NEK1: variants seen among roughly 807,000 people sequenced by gnomAD.
The protein encoded by NEK1 is NIMA related kinase 1.
A neutral mutation model predicts 182.1 loss-of-function variants in NEK1; 137 were observed. That is an observed-to-expected ratio of 0.75 (90% CI 0.65 to 0.87). The LOEUF (loss-of-function observed/expected upper bound fraction) is 0.87. NEK1 is among the 40% of genes least tolerant of loss of function. The probability of loss-of-function intolerance (pLI) is 0.00; values close to 1 mark genes in which losing one functional copy is unlikely to be tolerated. For synonymous variants in NEK1, 513 were observed against 492.2 expected (o/e 1.04, Z -0.56); for missense variants, 1,391 against 1,494.4 (o/e 0.93, Z 1.14).
In NEK1 at chr4:169,612,390, TCA is replaced by T. The variant is rs1772463238; in HGVS notation, c.-343_-342del. ...TGCCTCCGTTACCGCCTCTCCAACT[TCA>T]CAGAGGTCGTTGCTAGTGGCCACGG... On this transcript the variant is annotated 5_prime_UTR_variant, in exon 1 of 36. Coordinates refer to ENST00000507142, the MANE Select transcript of NEK1 (RefSeq NM_001199397.3). The T allele has an allele frequency of 6.6e-6, 1 of 151,898 alleles. No homozygotes were observed. The highest frequency in any genetic ancestry group is 1.5e-5 in the Non-Finnish European group (1 of 68,030). 9.4% of individuals were successfully genotyped at this position (151,898 alleles called of 1,614,324 possible). A position where few individuals can be genotyped will look rare whatever the true frequency, so the allele number is the denominator to read the frequency against.
intron 31 of NEK1, among the ~76,000 whole-genome samples, chr4:169,409,143 C>T (rs555201880): frequency 7.9e-5 from 12 of 151,964 alleles, no homozygotes; most frequent in Admixed American, 7.2e-4. Context: ...TATTGTTTTA[C>T]TTATTGTTTT....
At chr4:169,434,179 C>A (rs1270057073) in intron 28 of NEK1, among the ~76,000 whole-genome samples, 2 of 143,160 alleles carry the variant, frequency 1.4e-5, no homozygotes, top group Non-Finnish European at 3.1e-5. Flanking sequence ...CACTAAAAAT[C>A]TATTTTCTTA....
At chr4:169,556,915 A>C (rs978740605) in intron 16 of NEK1, among the ~76,000 whole-genome samples, 1 of 152,206 alleles carries the variant, frequency 6.6e-6, no homozygotes, top group African/African-American at 2.4e-5. Context: ...AAGAGGAAGG[A>C]AGTATGATGA....
intron 19 of NEK1, among the ~76,000 whole-genome samples, chr4:169,521,450 A>T (rs1216721624): frequency 1.3e-5 from 2 of 150,966 alleles, no homozygotes; most frequent in Non-Finnish European, 3.0e-5. Context: ...ATGGAAATGC[A>T]GAAATCACCC....
rs1299383754 is a variant in NEK1, at chr4:169,507,120, C to T, written c.1924G>A (p.Ala642Thr). 1.3e-6 allele frequency: 2 copies of T among 1,592,062 alleles called. No homozygotes were observed. The highest frequency in any genetic ancestry group is 3.4e-5 in the Admixed American group (2 of 58,792). ...KIESLKAHAN[A>T]RAAVLKEQLE... ...TGTTCTTTTAGTACAGCAGCACGTG[C>T]ATTTGCATGGGCCTAAAAATAAAAA... The change falls in exon 23 of 36, where the codon GCA (alanine) becomes ACA (threonine). Residue 642 changes from alanine to threonine, a missense_variant. Around this residue, in one of 5 missense-constraint regions of NEK1, gnomAD observed 1,216 missense variants for 1,277.6 expected, o/e 0.95. Coordinates refer to ENST00000507142, the MANE Select transcript of NEK1 (RefSeq NM_001199397.3).
intron 13 of NEK1, 111 bp from the exon 14 acceptor site, chr4:169,562,002 T>TAA (rs141863651): frequency 4.3e-5 from 37 of 857,172 alleles, no homozygotes; most frequent in South Asian, 2.7e-4. Context: ...GTTTTTTTTT[T>TAA]AAAAAAAAAA....
chr4:169,474,580 G>T (rs1360577148), intron 26 of NEK1, among the ~76,000 whole-genome samples: 1 of 152,102 alleles, frequency 6.6e-6, no homozygotes, highest in African/African-American at 2.4e-5. Context: ...AGCTCACATT[G>T]CCTCTTCTCT....
intron 24 of NEK1, chr4:169,478,244 C>T (rs942725951): frequency 2.0e-5 from 3 of 151,834 alleles, no homozygotes; most frequent in Non-Finnish European, 2.9e-5. Flanking sequence ...GAAAGAAAAC[C>T]GTTCAGTTAT....
At chr4:169,576,186 A>G (rs1199173668) in intron 12 of NEK1, among the ~76,000 whole-genome samples, 1 of 151,992 alleles carries the variant, frequency 6.6e-6, no homozygotes, top group African/African-American at 2.4e-5. Flanking sequence ...GCTGGTCTGG[A>G]ACTCCTGACC....
At chr4:169,446,983 G>A (rs191604659) in intron 27 of NEK1, among the ~76,000 whole-genome samples, 20 of 146,480 alleles carry the variant, frequency 1.4e-4, no homozygotes, top group African/African-American at 4.6e-4. Context: ...AGAGTGATTC[G>A]TTGTAACGAG....
intron 18 of NEK1, chr4:169,553,984 C>T (rs1761789603): frequency 6.6e-6 from 1 of 152,218 alleles, no homozygotes; most frequent in Non-Finnish European, 1.5e-5. Context: ...CAATCATCCT[C>T]TTGGCATCTG....
chr4:169,425,483 A>C (rs1440145085), intron 30 of NEK1, among the ~76,000 whole-genome samples: 2 of 152,106 alleles, frequency 1.3e-5, no homozygotes, highest in East Asian at 3.8e-4. Context: ...AGGTGAAAAA[A>C]TACACTATTT....
At chr4:169,396,315 G>A (rs913347519) in intron 35 of NEK1, among the ~76,000 whole-genome samples, 17 of 122,544 alleles carry the variant, frequency 1.4e-4, no homozygotes, top group Admixed American at 4.4e-4. Flanking sequence ...GCAGTGAGCC[G>A]AGATCATGTC....
Position 169,571,179 on chromosome 4 carries a change from A to AAAATAAATAAAT in NEK1, c.1020+5737_1020+5748dup, listed in dbSNP as rs56050357. Among the ~76,000 whole-genome samples the AAAATAAATAAAT allele has an allele frequency of 3.1e-3, 442 of 143,360 alleles. 2 individuals carry two copies. The highest frequency in any genetic ancestry group is 3.7e-3 in the African/African-American group (147 of 39,586). The allele number at this position is 143,360 out of a possible 152,430, so 94.0% of individuals were successfully genotyped here. On this transcript the variant is annotated intron_variant, in intron 12 of 35. Transcript: ENST00000507142. ...GAAACACCCAAGAATGATCAATAAAAAAATAAATAAATAAATAAATAAATA... is the reference window on the plus strand; with the variant it reads ...GAAACACCCAAGAATGATCAATAAAAAAATAAATAAATAAATAAATAAATAAATAAATAAATA...
In NEK1 at chr4:169,508,350, C is replaced by G. The variant is rs1580332118; in HGVS notation, c.1750-19G>C. The G allele has an allele frequency of 2.0e-6, 3 of 1,534,912 alleles. No individual in the cohort carries two copies. Among genetic ancestry groups the G allele is most frequent in the Non-Finnish European group, 2.6e-6 (3 of 1,140,422 alleles). ...GATAAACCTACAAGGAGGCAAAAAC[C>G]CCAACATAATAATGTAAAAGCAAAG... is the stretch of plus-strand genomic sequence containing the variant. On this transcript the variant is annotated intron_variant, in intron 20 of 35. Transcript: ENST00000507142.
Position 169,587,700 on chromosome 4 carries a change from G to A in NEK1, c.552-87C>T, listed in dbSNP as rs1767760406. On this transcript the variant is annotated intron_variant, in intron 8 of 35. Coordinates refer to ENST00000507142, the MANE Select transcript of NEK1 (RefSeq NM_001199397.3). ...ACACAAACAGCATAAAAGTGTTTTGGAAAAATATGTGCTCCAGAAAAAATT... is the reference window on the plus strand; with the variant it reads ...ACACAAACAGCATAAAAGTGTTTTGAAAAAATATGTGCTCCAGAAAAAATT... 6.8e-6 allele frequency: 5 copies of A among 737,194 alleles called. No homozygotes were observed. In the Admixed American group the frequency reaches 1.2e-4, roughly 18 times the overall value. 45.7% of individuals were successfully genotyped at this position (737,194 alleles called of 1,614,324 possible).
At chr4:169,526,094 A>C (rs969111532) in intron 19 of NEK1, among the ~76,000 whole-genome samples, 8 of 152,184 alleles carry the variant, frequency 5.3e-5, no homozygotes, top group Non-Finnish European at 1.2e-4. Flanking sequence ...ACCACCACCA[A>C]CAAAAAACAT....
chr4:169,483,680 C>T (rs1383591099), intron 23 of NEK1, among the ~76,000 whole-genome samples: 4 of 151,994 alleles, frequency 2.6e-5, no homozygotes, highest in African/African-American at 9.7e-5. Flanking sequence ...GTCTGGCCAT[C>T]ATGGTGAAAC....
chr4:169,504,429 C>A (rs1435769810), intron 23 of NEK1, among the ~76,000 whole-genome samples: 1 of 152,156 alleles, frequency 6.6e-6, no homozygotes, highest in Non-Finnish European at 1.5e-5. Context: ...TATCCGCACT[C>A]CCATGTTTAT....
Sources: allele counts gnomAD v4.1 joint callset (sites outside exome capture counted in the v4.1 genomes callset), GRCh38; gene constraint gnomAD v4.1.1; regional missense constraint gnomAD v4.1.1; transcripts MANE v1.5; gene names NCBI Gene and HGNC (gene_info 2026-07-23, HGNC 2026-07-21).